PLEKHA6: variants seen among roughly 807,000 people sequenced by gnomAD.
PLEKHA6 encodes the protein pleckstrin homology domain containing A6.
PLEKHA6 carries 60 observed loss-of-function variants against 116.7 expected under a neutral mutation model. That is an observed-to-expected ratio of 0.51 (90% CI 0.42 to 0.64). The LOEUF (loss-of-function observed/expected upper bound fraction) is 0.64, where lower values mean the gene tolerates loss of function less well. Ranked by LOEUF, PLEKHA6 falls within the 30% of genes least tolerant of loss-of-function variation. PLEKHA6 has a pLI of 0.00. For synonymous variants in PLEKHA6, 489 were observed against 556.1 expected, an observed-to-expected ratio of 0.88 and a Z score of 1.70; for missense variants, 1,338 against 1,422.7, an observed-to-expected ratio of 0.94 and a Z score of 0.96.
intron 17 of PLEKHA6, among the ~76,000 whole-genome samples, chr1:204,240,912 G>A (rs922312078): frequency 6.6e-6 from 1 of 152,096 alleles, no homozygotes; most frequent in Non-Finnish European, 1.5e-5. Flanking sequence ...TATAAAGCAG[G>A]CAGAAAAACA....
At chr1:204,249,977 T>C in intron 10 of PLEKHA6, among the ~76,000 whole-genome samples, 1 of 152,232 alleles carries the variant, frequency 6.6e-6, no homozygotes, top group Non-Finnish European at 1.5e-5. Context: ...CTAACTCACA[T>C]GCTGCTTGTT....
intron 1 of PLEKHA6, among the ~76,000 whole-genome samples, chr1:204,345,164 T>A (rs532792356): frequency 7.2e-5 from 11 of 152,330 alleles, no homozygotes; most frequent in Admixed American, 6.5e-4. Context: ...TATAACTTAA[T>A]AAGTATAAGT....
chr1:204,371,033 G>A (rs1036791137), intron 2 of PLEKHA6, among the ~76,000 whole-genome samples: 4 of 129,914 alleles, frequency 3.1e-5, no homozygotes, highest in African/African-American at 6.3e-5. Context: ...CAGCCTGTGC[G>A]ACAGAGTAAG....
chr1:204,365,827 G>A (rs749702758), intron 3 of PLEKHA6, among the ~76,000 whole-genome samples: 2 of 152,140 alleles, frequency 1.3e-5, no homozygotes, highest in African/African-American at 2.4e-5. Flanking sequence ...ATAAACAAAC[G>A]TGTTTCAGGT....
At chr1:204,313,445 G>T (rs2103179468) in intron 1 of PLEKHA6, 1 of 407,518 alleles carries the variant, frequency 2.5e-6, no homozygotes, top group African/African-American at 2.2e-5. Context: ...TCTGGCCTCG[G>T]GGACTCCCTG....
rs1662411638 is a variant in PLEKHA6 at position 204,238,806 on chromosome 1, C to A, written c.2409+2569G>T. ...CACCCGAAAGTAGACAGCTGCAGCA[C>A]TACAGCCCCTTTCTAGGACATCCCT... is the stretch of plus-strand genomic sequence containing the variant. On this transcript the variant is annotated intron_variant, in intron 17 of 22. Transcript: ENST00000272203. This position sits in a 1 kb window ranked among gnomAD's most constrained non-coding sequence, Gnocchi z 4.2. Among the ~76,000 whole-genome samples the A allele has an allele frequency of 6.6e-6, 1 of 152,336 alleles. No homozygotes were observed. Among genetic ancestry groups the A allele is most frequent in the Admixed American group, 6.5e-5 (1 of 15,302 alleles).
At chr1:204,295,995 C>T (rs1033248047) in intron 1 of PLEKHA6, among the ~76,000 whole-genome samples, 1 of 152,160 alleles carries the variant, frequency 6.6e-6, no homozygotes, top group Non-Finnish European at 1.5e-5. Context: ...CTACGGGGTG[C>T]ACGCACACAG....
In PLEKHA6 at chr1:204,220,366, C is replaced by T. The variant is rs1244979346; in HGVS notation, c.*2422G>A. On this transcript the variant is annotated 3_prime_UTR_variant, in exon 23 of 23. Transcript: ENST00000272203. ...AGGACTTCCGAGGGAATGCCCTGCC[C>T]CCGGCAAGATGCTTTCTGGGTGAGC... 2 of 152,446 alleles carry T rather than the reference C, an allele frequency of 1.3e-5. No homozygotes were observed. Among genetic ancestry groups the T allele is most frequent in the Non-Finnish European group, 2.9e-5 (2 of 68,056 alleles). 9.4% of individuals were successfully genotyped at this position (152,446 alleles called of 1,614,324 possible).
chr1:204,299,688 A>G (rs946306379), intron 1 of PLEKHA6: 25 of 978,912 alleles, frequency 2.6e-5, no homozygotes, highest in Admixed American at 1.2e-4. Context: ...TCTCAGGCTA[A>G]GAGGTTTAAC....
intron 1 of PLEKHA6, among the ~76,000 whole-genome samples, chr1:204,305,226 A>G (rs1483417838): frequency 2.6e-5 from 4 of 152,154 alleles, no homozygotes; most frequent in Non-Finnish European, 4.4e-5. Flanking sequence ...TGCCTTCCCT[A>G]TCACTGCTTC....
chr1:204,270,971 C>A (rs1667389536), intron 3 of PLEKHA6, among the ~76,000 whole-genome samples: 1 of 152,220 alleles, frequency 6.6e-6, no homozygotes, highest in Admixed American at 6.5e-5. Flanking sequence ...TTGCTGCAGA[C>A]TCCCCCACTC....
chr1:204,297,613 C>T (rs1558155382), intron 1 of PLEKHA6, among the ~76,000 whole-genome samples: 2 of 121,712 alleles, frequency 1.6e-5, no homozygotes, highest in Non-Finnish European at 1.9e-5. Flanking sequence ...TCATCGGCAA[C>T]AGGGGGGGTG....
chr1:204,252,470 T>C (rs1347804737), intron 9 of PLEKHA6, among the ~76,000 whole-genome samples: 1 of 151,976 alleles, frequency 6.6e-6, no homozygotes, highest in Non-Finnish European at 1.5e-5. Flanking sequence ...TCAGGGAATG[T>C]CTTTGGCTGT....
upstream of PLEKHA6, among the ~76,000 whole-genome samples, chr1:204,363,162 C>G (rs1426374676): frequency 5.3e-5 from 8 of 152,260 alleles, no homozygotes; most frequent in Admixed American, 5.2e-4. Context: ...AGGGCCCCTC[C>G]TCCGGGGTCT....
rs534094773 is a variant in PLEKHA6, at chr1:204,257,100, T to C, written c.1524+253A>G. Reference sequence around the variant, plus strand: ...TGCCCTCTTATATGACGGCATGGTATCTGGCACAACTTGGGGGCATGTACA... The same window carrying C: ...TGCCCTCTTATATGACGGCATGGTACCTGGCACAACTTGGGGGCATGTACA... On this transcript the variant is annotated intron_variant, in intron 9 of 22. Transcript: ENST00000272203. This position sits in a 1 kb window ranked among gnomAD's most constrained non-coding sequence, Gnocchi z 6.5. 6.6e-6 allele frequency among the ~76,000 whole-genome samples: 1 copy of C among 152,332 alleles called. No individual in the cohort carries two copies. Among genetic ancestry groups the C allele is most frequent in the East Asian group, 1.9e-4 (1 of 5,184 alleles).
chr1:204,253,800 C>T (rs889927157), intron 9 of PLEKHA6, among the ~76,000 whole-genome samples: 3 of 147,046 alleles, frequency 2.0e-5, no homozygotes, highest in African/African-American at 7.5e-5. Context: ...TGCCACTATA[C>T]TCTAGCCTAG....
chr1:204,318,417 T>G (rs1671939157), intron 1 of PLEKHA6, among the ~76,000 whole-genome samples: 1 of 152,216 alleles, frequency 6.6e-6, no homozygotes, highest in Non-Finnish European at 1.5e-5. Flanking sequence ...TAGCAGGGCC[T>G]GGATTTGAAC....
intron 8 of PLEKHA6, among the ~76,000 whole-genome samples, chr1:204,258,585 C>A (rs923095978): frequency 2.0e-5 from 3 of 152,230 alleles, no homozygotes; most frequent in African/African-American, 7.2e-5. Context: ...CCTCCCGGGC[C>A]CCATGGCCTT....
In PLEKHA6 at chr1:204,228,648, C is replaced by G. The variant is rs1440111015; in HGVS notation, c.2885+80G>C. ...TGCTCTCCCCTGGGGAGGCTCTGTG[C>G]CCCCAACGACTTCTAGTGGCCCAGG... is the stretch of plus-strand genomic sequence containing the variant. On this transcript the variant is annotated intron_variant, in intron 20 of 22. Transcript: ENST00000272203. The surrounding 1 kb of genome is among the most constrained non-coding windows in gnomAD (Gnocchi z 4.0). The G allele has an allele frequency of 7.3e-6, 10 of 1,366,160 alleles. No individual in the cohort carries two copies. The highest frequency in any genetic ancestry group is 3.4e-5 in the Admixed American group (2 of 58,884). 84.6% of individuals were successfully genotyped at this position (1,366,160 alleles called of 1,614,324 possible). A position where few individuals can be genotyped will look rare whatever the true frequency, so the allele number is the denominator to read the frequency against.
Sources: gnomAD v4.1 joint callset for allele counts (sites outside exome capture counted in the v4.1 genomes callset) on GRCh38, gnomAD v4.1.1 for gene constraint, Gnocchi (gnomAD v3.1) non-coding constraint, MANE v1.5 for transcripts, NCBI Gene and HGNC (gene_info 2026-07-23, HGNC 2026-07-21) for gene names.